The following ACAP2 variants were observed in gnomAD, a reference collection of about 807,000 sequenced individuals.
ACAP2 encodes ArfGAP with coiled-coil, ankyrin repeat and PH domains 2.
Under a neutral mutation model 115.8 loss-of-function variants are expected in ACAP2, and 39 were observed. That is an observed-to-expected ratio of 0.34 (90% CI 0.26 to 0.44). The LOEUF is 0.44. ACAP2 is among the 20% of genes least tolerant of loss of function. The pLI is 1.00. For synonymous variants in ACAP2, 289 were observed against 315.8 expected, an observed-to-expected ratio of 0.92 and a Z score of 0.90; for missense variants, 662 against 927.6, an observed-to-expected ratio of 0.71 and a Z score of 3.72.
At chr3:195,298,254 T>C (rs1727787786) in intron 15 of ACAP2, among the ~76,000 whole-genome samples, 1 of 6,528 alleles carries the variant, frequency 1.5e-4, no homozygotes, top group Non-Finnish European at 3.5e-4. Context: ...TCTCTCCTCT[T>C]TTTTTTTTTT....
chr3:195,382,168 ATTC>A, intron 2 of ACAP2, 146 bp from the exon 3 acceptor site: 2 of 771,262 alleles, frequency 2.6e-6, no homozygotes, highest in South Asian at 3.8e-5. Context: ...ATTGAAAAGT[ATTC>A]TTTTTTCCTT....
At chr3:195,314,193 TTTG>T (rs796458875) in intron 10 of ACAP2, among the ~76,000 whole-genome samples, 10 of 135,744 alleles carry the variant, frequency 7.4e-5, no homozygotes, top group Admixed American at 2.2e-4. Context: ...GGAAGAAAAT[TTTG>T]TTGTTTTTTT....
chr3:195,292,782 C>A (rs1319492031), intron 18 of ACAP2, among the ~76,000 whole-genome samples: 1 of 151,904 alleles, frequency 6.6e-6, no homozygotes, highest in East Asian at 1.9e-4. Context: ...ATTAACCAGG[C>A]ATGGTAGCGG....
chr3:195,344,178 A>T (rs1301728734), intron 5 of ACAP2, among the ~76,000 whole-genome samples: 4 of 152,206 alleles, frequency 2.6e-5, no homozygotes, highest in Non-Finnish European at 4.4e-5. Flanking sequence ...TTATCAAGCC[A>T]CTGTACTCCA....
At chr3:195,362,947 TC>T in intron 4 of ACAP2, among the ~76,000 whole-genome samples, 1 of 152,250 alleles carries the variant, frequency 6.6e-6, no homozygotes, top group Middle Eastern at 3.4e-3. Context: ...ATTATGGAAG[TC>T]CTAAGCTAGA....
rs1456182298 is a variant in ACAP2 at position 195,345,257 on chromosome 3, A to ACT, written c.344_344+1dup. Reference sequence around the variant, plus strand: ...CTTTCCTCTTCACCGCAATTGACTTACTCTTTAACAAAGTTCTGAAGCTGT... The same window carrying ACT: ...CTTTCCTCTTCACCGCAATTGACTTACTCTCTTTAACAAAGTTCTGAAGCTGT... On this transcript the variant is annotated splice_donor_variant, in intron 5 of 22. Transcript: ENST00000326793. LOFTEE classifies it high-confidence loss of function. 6.2e-7 allele frequency: 1 copy of ACT among 1,606,894 alleles called. No individual in the cohort carries two copies. Among genetic ancestry groups the ACT allele is most frequent in the African/African-American group, 1.3e-5 (1 of 74,758 alleles).
At chr3:195,384,483 T>C (rs1292969329) in intron 2 of ACAP2, among the ~76,000 whole-genome samples, 2 of 152,114 alleles carry the variant, frequency 1.3e-5, no homozygotes, top group Non-Finnish European at 2.9e-5. Flanking sequence ...TCCCAAAACT[T>C]TGGGAGGCCA....
intron 1 of ACAP2, among the ~76,000 whole-genome samples, chr3:195,429,049 A>G (rs1714906611): frequency 6.6e-6 from 1 of 152,208 alleles, no homozygotes; most frequent in Admixed American, 6.5e-5. Context: ...GAATGAATAC[A>G]TTATGGTACA....
intron 15 of ACAP2, among the ~76,000 whole-genome samples, chr3:195,300,293 C>A (rs532444845): frequency 6.6e-6 from 1 of 152,238 alleles, no homozygotes; most frequent in South Asian, 2.1e-4. Flanking sequence ...GATCTGCCCA[C>A]CTTGGCCTCC....
chr3:195,326,759 G>T, intron 9 of ACAP2, 126 bp downstream of exon 9: 1 of 749,542 alleles, frequency 1.3e-6, no homozygotes, highest in Non-Finnish European at 2.1e-6. Context: ...AACAAAAGAG[G>T]AATTTATCTG....
At chr3:195,281,377 C>A (rs1397280499) in intron 22 of ACAP2, among the ~76,000 whole-genome samples, 5 of 151,902 alleles carry the variant, frequency 3.3e-5, no homozygotes, top group African/African-American at 7.3e-5. Context: ...TGCACTCCAG[C>A]CTGGGCAACA....
In ACAP2 at chr3:195,370,762, C is replaced by T. The variant is rs1328392403; in HGVS notation, c.285+10247G>A. ...ATCAGGAGTTCGAGACCAGCCTGGGCAACATGGCAAAACCCTGTCTTATAC... is the reference window on the plus strand; with the variant it reads ...ATCAGGAGTTCGAGACCAGCCTGGGTAACATGGCAAAACCCTGTCTTATAC... On this transcript the variant is annotated intron_variant, in intron 4 of 22. Coordinates refer to ENST00000326793, the MANE Select transcript of ACAP2 (RefSeq NM_012287.6). Among the ~76,000 whole-genome samples, 3 of 152,056 alleles carry T rather than the reference C, an allele frequency of 2.0e-5. No individual in the cohort carries two copies. The East Asian group carries it at 5.8e-4, about 29-fold the overall frequency.
chr3:195,435,467 CT>C (rs905695153), intron 1 of ACAP2, among the ~76,000 whole-genome samples: 173 of 148,036 alleles, frequency 1.2e-3, no homozygotes, highest in African/African-American at 3.7e-3. Flanking sequence ...CACCCGGCCT[CT>C]TTTTTTTTTA....
intron 10 of ACAP2, among the ~76,000 whole-genome samples, chr3:195,315,764 GT>G (rs1167254878): frequency 2.6e-5 from 4 of 152,132 alleles, no homozygotes; most frequent in Non-Finnish European, 5.9e-5. Flanking sequence ...CAAAGGCATT[GT>G]TTTTTTCACT....
In ACAP2 at chr3:195,392,134, C is replaced by T; in HGVS notation, c.67G>A (p.Glu23Lys). ...AATTCTGCCACATCACCTTCTACTTCTTCCAAAGCTGCCCTAGAAAAATTA... is the reference window on the plus strand; with the variant it reads ...AATTCTGCCACATCACCTTCTACTTTTTCCAAAGCTGCCCTAGAAAAATTA... ...DSPRFRAALE[E>K]VEGDVAELEL... is the part of the protein sequence containing the mutation. The change falls in exon 2 of 23, where the codon GAA (glutamate) becomes AAA (lysine). Residue 23 changes from glutamate (E) to lysine (K), a missense_variant. Glu to Lys is a moderately conservative substitution (Grantham distance 56, BLOSUM62 1). Around this residue, in one of 3 missense-constraint regions of ACAP2, gnomAD observed 401 missense variants for 604.4 expected, o/e 0.66. Coordinates refer to ENST00000326793, the MANE Select transcript of ACAP2 (RefSeq NM_012287.6). 6.2e-7 allele frequency: 1 copy of T among 1,612,482 alleles called. No homozygotes were observed. The highest frequency in any genetic ancestry group is 1.1e-5 in the South Asian group (1 of 90,626).
intron 1 of ACAP2, among the ~76,000 whole-genome samples, chr3:195,412,282 C>G (rs1033551629): frequency 2.0e-5 from 3 of 150,274 alleles, no homozygotes; most frequent in Non-Finnish European, 4.4e-5. Context: ...TAATTTGTTG[C>G]TCAGATTATC....
At chr3:195,388,551 G>A (rs1251392132) in intron 2 of ACAP2, among the ~76,000 whole-genome samples, 2 of 152,126 alleles carry the variant, frequency 1.3e-5, no homozygotes, top group African/African-American at 4.8e-5. Context: ...GATACTATAG[G>A]TGGAACTTGC....
At position 195,278,080 on chromosome 3, in the gene ACAP2, C is replaced by A. The variant is rs1312995283; in HGVS notation, c.*1248G>T. The A allele has an allele frequency of 4.6e-5, 6 of 131,148 alleles. No individual in the cohort carries two copies. The highest frequency in any genetic ancestry group is 7.9e-5 in the Non-Finnish European group (5 of 62,946). The allele number at this position is 131,148 out of a possible 1,614,324, so 8.1% of individuals were successfully genotyped here. A position where few individuals can be genotyped will look rare whatever the true frequency, so the allele number is the denominator to read the frequency against. On this transcript the variant is annotated 3_prime_UTR_variant, in exon 23 of 23. Coordinates refer to ENST00000326793, the MANE Select transcript of ACAP2 (RefSeq NM_012287.6). Reference sequence around the variant, plus strand: ...TGGGTGACACAGCAAGACGCCATCTCGGGAAAAAAAAAAAAAAAAAGCAAA... The same window carrying A: ...TGGGTGACACAGCAAGACGCCATCTAGGGAAAAAAAAAAAAAAAAAGCAAA...
chr3:195,360,940 G>T (rs938717941), intron 4 of ACAP2, among the ~76,000 whole-genome samples: 1 of 145,084 alleles, frequency 6.9e-6, no homozygotes, highest in Non-Finnish European at 1.5e-5. Context: ...TCATTCTTAA[G>T]GACAGACCAT....
Sources: allele counts gnomAD v4.1 joint callset (sites outside exome capture counted in the v4.1 genomes callset), GRCh38; gene constraint gnomAD v4.1.1; regional missense constraint gnomAD v4.1.1; transcripts MANE v1.5; gene names NCBI Gene and HGNC (gene_info 2026-07-23, HGNC 2026-07-21).